The following TPD52L1 variants were observed in gnomAD, a reference collection of about 807,000 sequenced individuals.
The protein encoded by TPD52L1 is TPD52 like 1, also known as tumor protein D53.
TPD52L1 carries 18 observed loss-of-function variants against 28.7 expected under a neutral mutation model. The ratio of observed to expected loss-of-function variants is 0.63; its 90% CI spans 0.43 to 0.93. The LOEUF is 0.93. Among genes scored for constraint, TPD52L1 ranks in the 40% least tolerant of loss-of-function variants. The probability of loss-of-function intolerance (pLI) is 0.00; values close to 1 mark genes in which losing one functional copy is unlikely to be tolerated. For missense variants in TPD52L1, 203 were observed against 254.8 expected, an observed-to-expected ratio of 0.80 and a Z score of 1.39; for synonymous variants, 75 against 88.8, an observed-to-expected ratio of 0.84 and a Z score of 0.88.
chr6:125,207,689 C>T (rs1399668908), intron 1 of TPD52L1, among the ~76,000 whole-genome samples: 1 of 152,226 alleles, frequency 6.6e-6, no homozygotes, highest in East Asian at 1.9e-4. Flanking sequence ...GTGCAGTATC[C>T]ACCTAGGTCC....
chr6:125,172,561 A>ATATATATAATATATATATATAATATAT (rs1562215221), intron 1 of TPD52L1, among the ~76,000 whole-genome samples: 1 of 90,494 alleles, frequency 1.1e-5, no homozygotes, highest in African/African-American at 4.9e-5. Flanking sequence ...TAATATATAT[A>ATATATATAATATATATATATAATATAT]CTATATGGCA....
intron 1 of TPD52L1, among the ~76,000 whole-genome samples, chr6:125,181,445 T>C (rs995080433): frequency 6.6e-6 from 1 of 152,322 alleles, no homozygotes; most frequent in African/African-American, 2.4e-5. Context: ...ATTATGTATA[T>C]GCTGTCCATT....
At chr6:125,154,201 C>A (rs138325843) in intron 1 of TPD52L1, 6 of 1,351,436 alleles carry the variant, frequency 4.4e-6, no homozygotes, top group African/African-American at 1.5e-5. Flanking sequence ...AGAGGCCCCT[C>A]CTCAGGAAAT....
chr6:125,173,599 C>T (rs548520496), intron 1 of TPD52L1, among the ~76,000 whole-genome samples: 13 of 152,244 alleles, frequency 8.5e-5, no homozygotes, highest in Admixed American at 1.3e-4. Flanking sequence ...TCCTGCCCAG[C>T]TCGTTCTTAA....
intron 1 of TPD52L1, chr6:125,154,578 G>C: frequency 1.0e-6 from 1 of 975,238 alleles, no homozygotes; most frequent in Non-Finnish European, 1.2e-6. Context: ...TGCCTCCCGT[G>C]GCGCGCGGGG....
At chr6:125,230,043 C>T (rs549538650) in intron 3 of TPD52L1, among the ~76,000 whole-genome samples, 19 of 152,084 alleles carry the variant, frequency 1.2e-4, no homozygotes, top group South Asian at 8.3e-4. Flanking sequence ...GTCGAGATGG[C>T]GCCACTCCAC....
In TPD52L1 at chr6:125,229,225, G is replaced by T; in HGVS notation, c.243G>T (p.Gln81His). The change falls in exon 3 of 7, where the codon CAG becomes CAT. Residue 81 changes from glutamine (Q) to histidine (H), a missense_variant. Physicochemically the swap from Gln to His is conservative, Grantham distance 24. Transcript: ENST00000534000. ...TGAACCTGATGAATGAATTAAAACAGAACTTCAGCAAAAGCTGGCATGACA... is the reference window on the plus strand; with the variant it reads ...TGAACCTGATGAATGAATTAAAACATAACTTCAGCAAAAGCTGGCATGACA... The part of the protein sequence containing the change: ...LGMNLMNELK[Q>H]NFSKSWHDMQ... The T allele has an allele frequency of 6.2e-7, 1 of 1,613,372 alleles. No individual in the cohort carries two copies. The highest frequency in any genetic ancestry group is 1.1e-5 in the South Asian group (1 of 90,986).
Position 125,214,816 on chromosome 6 carries a change from A to G in TPD52L1, c.20-5262A>G, listed in dbSNP as rs1198231897. ...GTTTGTTTGGAAATTTTAAAATTTT[A>G]TAGCATTTTCAAGTATATTATCTGA... On this transcript the variant is annotated intron_variant, in intron 1 of 6. Coordinates refer to ENST00000534000, the MANE Select transcript of TPD52L1 (RefSeq NM_003287.4). Among the ~76,000 whole-genome samples, 5 of 152,322 alleles carry G rather than the reference A, an allele frequency of 3.3e-5. No homozygotes were observed. The East Asian group carries it at 9.6e-4, about 29-fold the overall frequency.
intron 1 of TPD52L1, among the ~76,000 whole-genome samples, chr6:125,166,181 G>T (rs1179833995): frequency 1.3e-5 from 2 of 152,178 alleles, no homozygotes. Flanking sequence ...TGGGATGGGG[G>T]TAGTGGGAGG....
rs780203772 is a variant in TPD52L1, at chr6:125,248,313, G to A, written c.316G>A (p.Ala106Thr). Residue 106 changes from alanine (A) to threonine (T), a missense_variant, in exon 4 of 7, where the codon GCA (alanine) becomes ACA (threonine). By Grantham distance (58) the Ala-to-Thr change is moderately conservative. Transcript: ENST00000534000. ...YKKTHETLSHAGQKATAAFSN... is the reference protein window; with the variant it reads ...YKKTHETLSHTGQKATAAFSN... Reference sequence around the variant, plus strand: ...GAAAACACATGAAACCCTGAGTCACGCAGGGCAAAAGGCAACTGCAGCTTT... The same window carrying A: ...GAAAACACATGAAACCCTGAGTCACACAGGGCAAAAGGCAACTGCAGCTTT... 9.9e-6 allele frequency: 16 copies of A among 1,614,046 alleles called. No homozygotes were observed. The highest frequency in any genetic ancestry group is 3.3e-5 in the Admixed American group (2 of 60,008).
intron 2 of TPD52L1, among the ~76,000 whole-genome samples, chr6:125,222,664 G>A (rs1347916073): frequency 6.6e-6 from 1 of 152,174 alleles, no homozygotes; most frequent in African/African-American, 2.4e-5. Flanking sequence ...GTGAATATGG[G>A]ACCTGAGTCA....
At chr6:125,243,499 T>C (rs1055111170) in intron 3 of TPD52L1, among the ~76,000 whole-genome samples, 3 of 151,906 alleles carry the variant, frequency 2.0e-5, no homozygotes, top group African/African-American at 7.2e-5. Flanking sequence ...CTTTGTTCAT[T>C]TTTTTTCTTT....
At position 125,229,137 on chromosome 6, in the gene TPD52L1, C is replaced by A; in HGVS notation, c.155C>A (p.Thr52Lys). 6.2e-7 allele frequency: 1 copy of A among 1,613,200 alleles called. No individual in the cohort carries two copies. Among genetic ancestry groups the A allele is most frequent in the African/African-American group, 1.3e-5 (1 of 74,948 alleles). Reference protein sequence around the residue: ...ELVQLEDEITTLRQVLSAKER... With the variant: ...ELVQLEDEITKLRQVLSAKER... ...TTGTAGCTAGAAGACGAAATTACAA[C>A]ACTACGACAAGTTTTGTCAGCGAAA... Residue 52 changes from threonine to lysine, a missense_variant, in exon 3 of 7, where the codon ACA becomes AAA. Physicochemically the swap from Thr to Lys is moderately conservative, Grantham distance 78 (BLOSUM62 -1). Coordinates refer to ENST00000534000, the MANE Select transcript of TPD52L1 (RefSeq NM_003287.4).
At position 125,172,551 on chromosome 6, in the gene TPD52L1, T is replaced by TATATATAA. The variant is rs533258594; in HGVS notation, c.19+18582_19+18583insTATATAAA. ...ATATATATATATATATATATATATA[T>TATATATAA]AATATATATACTATATGGCATGAAA... On this transcript the variant is annotated intron_variant, in intron 1 of 6. Coordinates refer to ENST00000534000, the MANE Select transcript of TPD52L1 (RefSeq NM_003287.4). Among the ~76,000 whole-genome samples, 74 of 83,828 alleles carry TATATATAA rather than the reference T, an allele frequency of 8.8e-4. 1 individual carries two copies. Among genetic ancestry groups the TATATATAA allele is most frequent in the African/African-American group, 3.3e-3 (60 of 18,420 alleles). 55.0% of individuals were successfully genotyped at this position (83,828 alleles called of 152,430 possible). A position where few individuals can be genotyped will look rare whatever the true frequency, so the allele number is the denominator to read the frequency against.
At chr6:125,231,910 T>C (rs181770430) in intron 3 of TPD52L1, among the ~76,000 whole-genome samples, 20 of 152,286 alleles carry the variant, frequency 1.3e-4, no homozygotes, top group Non-Finnish European at 1.5e-5. Context: ...AGTAAGTTAA[T>C]GTTCGTAAAG....
intron 1 of TPD52L1, among the ~76,000 whole-genome samples, chr6:125,166,521 T>C (rs981424490): frequency 1.7e-4 from 26 of 152,258 alleles, no homozygotes; most frequent in African/African-American, 6.0e-4. Context: ...CTCATAAGCA[T>C]TGGAGGGGAA....
rs554588152 is a variant in TPD52L1 at position 125,160,671 on chromosome 6, G to A, written c.19+6701G>A. Among the ~76,000 whole-genome samples the A allele has an allele frequency of 5.3e-5, 8 of 152,254 alleles. No homozygotes were observed. In the South Asian group the frequency reaches 1.0e-3, roughly 20 times the overall value. On this transcript the variant is annotated intron_variant, in intron 1 of 6. Transcript: ENST00000534000. Reference sequence around the variant, plus strand: ...GCCAAGCATCGACTCCTCCTCTCTAGCTATAAAAGTCCTAGCTGACATCTT... The same window carrying A: ...GCCAAGCATCGACTCCTCCTCTCTAACTATAAAAGTCCTAGCTGACATCTT...
At chr6:125,247,805 A>G (rs1282251862) in intron 3 of TPD52L1, among the ~76,000 whole-genome samples, 1 of 152,240 alleles carries the variant, frequency 6.6e-6, no homozygotes, top group Non-Finnish European at 1.5e-5. Context: ...ATACTAGAAA[A>G]GTAAGCTAAA....
chr6:125,157,902 A>G (rs191990077), intron 1 of TPD52L1, among the ~76,000 whole-genome samples: 94 of 152,278 alleles, frequency 6.2e-4, no homozygotes, highest in African/African-American at 2.1e-3. Context: ...CACTATCACT[A>G]GGCTGAAATC....
Sources: gnomAD v4.1 joint callset for allele counts (sites outside exome capture counted in the v4.1 genomes callset) on GRCh38, gnomAD v4.1.1 for gene constraint, MANE v1.5 for transcripts, NCBI Gene and HGNC (gene_info 2026-07-23, HGNC 2026-07-21) for gene names.